The following TSC22D1 variants were observed in gnomAD, a reference collection of about 807,000 sequenced individuals.
The protein encoded by TSC22D1 is TSC22 domain family protein 1.
In TSC22D1, 9 loss-of-function variants were observed where a neutral mutation model predicts 74.2. The observed-to-expected ratio is 0.12, with a 90% CI of 0.07 to 0.21. TSC22D1 has a LOEUF of 0.21. Ranked by LOEUF, TSC22D1 falls within the 10% of genes least tolerant of loss-of-function variation. The pLI is 1.00. For missense variants in TSC22D1, 1,427 were observed against 1,304.7 expected, an observed-to-expected ratio of 1.09 and a Z score of -1.44; for synonymous variants, 586 against 492.5, an observed-to-expected ratio of 1.19 and a Z score of -2.51.
At chr13:44,548,585 T>C (rs1881983896) in intron 1 of TSC22D1, among the ~76,000 whole-genome samples, 1 of 152,194 alleles carries the variant, frequency 6.6e-6, no homozygotes, top group South Asian at 2.1e-4. Flanking sequence ...TAGGGAATTT[T>C]ACAAGACAGT....
intron 1 of TSC22D1, among the ~76,000 whole-genome samples, chr13:44,561,013 G>GATT (rs1230786344): frequency 3.9e-5 from 6 of 152,006 alleles, no homozygotes; most frequent in African/African-American, 1.4e-4. Context: ...AGACTTAATG[G>GATT]AAGTCCAAAA....
intron 1 of TSC22D1, among the ~76,000 whole-genome samples, chr13:44,442,902 G>A (rs1218022334): frequency 8.2e-6 from 1 of 121,668 alleles, no homozygotes; most frequent in Non-Finnish European, 1.7e-5. Flanking sequence ...GAGCCACAGA[G>A]CGAGACTCTG....
chr13:44,436,038 A>T lies in TSC22D1; in HGVS notation c.2964+6T>A, dbSNP rs755477307. 4.3e-6 allele frequency: 7 copies of T among 1,613,388 alleles called. No individual in the cohort carries two copies. The highest frequency in any genetic ancestry group is 1.3e-5 in the African/African-American group (1 of 74,914). On this transcript the variant is annotated splice_donor_region_variant and intron_variant, in intron 2 of 2. Transcript: ENST00000458659. ...TTAGTATAAATGATTTTTCATCAGT[A>T]CATACCATAGCTTGCTCGATTTTGT...
chr13:44,478,259 G>T (rs1878016793), intron 1 of TSC22D1, among the ~76,000 whole-genome samples: 1 of 152,034 alleles, frequency 6.6e-6, no homozygotes, highest in South Asian at 2.1e-4. Context: ...TTACATTTCT[G>T]TATGTTTTAT....
chr13:44,457,194 C>T (rs1876707034), intron 1 of TSC22D1, among the ~76,000 whole-genome samples: 1 of 152,342 alleles, frequency 6.6e-6, no homozygotes, highest in Admixed American at 6.5e-5. Flanking sequence ...ACCAAAACTG[C>T]ACCTAGGAAA....
intron 1 of TSC22D1, among the ~76,000 whole-genome samples, chr13:44,467,836 T>C (rs1877377778): frequency 6.6e-6 from 1 of 152,092 alleles, no homozygotes; most frequent in Non-Finnish European, 1.5e-5. Context: ...AGTATGGAGA[T>C]TTCTCAGAAA....
intron 1 of TSC22D1, among the ~76,000 whole-genome samples, chr13:44,567,513 ACT>A (rs753355038): frequency 5.3e-5 from 8 of 151,990 alleles, no homozygotes. Flanking sequence ...GAAAAAAAAA[ACT>A]TTTTAAAAAA....
chr13:44,509,261 A>G (rs1879576294), intron 1 of TSC22D1, among the ~76,000 whole-genome samples: 1 of 152,246 alleles, frequency 6.6e-6, no homozygotes, highest in Non-Finnish European at 1.5e-5. Context: ...CTGGAGGAGT[A>G]ATCAAAATGA....
rs1476499489 is a variant in TSC22D1 at position 44,575,415 on chromosome 13, G to A, written c.660C>T (p.Leu220=). The change falls in exon 1 of 3, where the codon CTC becomes CTT. Residue 220 remains leucine, a synonymous_variant. Transcript: ENST00000458659. ...VINGNAHPHH[L]HHHHQIHHGH... ...CATGATGAATCTGATGGTGGTGATG[G>A]AGGTGGTGTGGATGAGCATTCCCAT... The A allele has an allele frequency of 6.2e-7, 1 of 1,613,784 alleles. No individual in the cohort carries two copies. The highest frequency in any genetic ancestry group is 1.3e-5 in the African/African-American group (1 of 74,878).
At chr13:44,564,035 AAC>A (rs1247401366) in intron 1 of TSC22D1, among the ~76,000 whole-genome samples, 8 of 152,218 alleles carry the variant, frequency 5.3e-5, no homozygotes, top group Admixed American at 3.3e-4. Context: ...TTGGCTCACA[AAC>A]ACAGCAAAAA....
chr13:44,503,330 A>C, intron 1 of TSC22D1, among the ~76,000 whole-genome samples: 1 of 125,352 alleles, frequency 8.0e-6, no homozygotes, highest in East Asian at 1.9e-4. Context: ...AAGTACACAG[A>C]AAAAAAACAG....
chr13:44,479,618 C>G (rs771138459), intron 1 of TSC22D1, among the ~76,000 whole-genome samples: 1 of 152,154 alleles, frequency 6.6e-6, no homozygotes, highest in Non-Finnish European at 1.5e-5. Context: ...CAAGCTGTTA[C>G]CAGCCACATA....
chr13:44,468,000 GCGCACACA>G (rs1462149207), intron 1 of TSC22D1, among the ~76,000 whole-genome samples: 3 of 115,058 alleles, frequency 2.6e-5, no homozygotes, highest in Admixed American at 8.6e-5. Context: ...ATACACACAC[GCGCACACA>G]CACACACACA....
intron 1 of TSC22D1, among the ~76,000 whole-genome samples, chr13:44,551,310 G>GGTGGGTGT (rs1555272441): frequency 7.5e-6 from 1 of 132,776 alleles, no homozygotes; most frequent in Non-Finnish European, 1.6e-5. Context: ...ATCAGCTGGG[G>GGTGGGTGT]GTGTGTGTGT....
chr13:44,453,052 A>G (rs1243048015), intron 1 of TSC22D1, among the ~76,000 whole-genome samples: 1 of 152,216 alleles, frequency 6.6e-6, no homozygotes, highest in Non-Finnish European at 1.5e-5. Context: ...ATTAGAATTT[A>G]CATTTTCAGT....
chr13:44,481,236 C>A (rs1878162506), intron 1 of TSC22D1, among the ~76,000 whole-genome samples: 1 of 152,180 alleles, frequency 6.6e-6, no homozygotes, highest in African/African-American at 2.4e-5. Context: ...GGGCTTGAGA[C>A]TTCGCAGTTA....
intron 2 of TSC22D1, 93 bp from the exon 3 acceptor site, chr13:44,434,976 A>C: frequency 9.1e-7 from 1 of 1,097,860 alleles, no homozygotes; most frequent in Non-Finnish European, 1.3e-6. Context: ...GATCTCCCTA[A>C]CTATTTACAT....
At chr13:44,570,862 C>G (rs1242295215) in intron 1 of TSC22D1, among the ~76,000 whole-genome samples, 1 of 152,128 alleles carries the variant, frequency 6.6e-6, no homozygotes, top group African/African-American at 2.4e-5. Context: ...ACTGTTTTCT[C>G]TTGTAGTTAT....
chr13:44,491,235 G>A (rs565167063), intron 1 of TSC22D1, among the ~76,000 whole-genome samples: 1 of 152,068 alleles, frequency 6.6e-6, no homozygotes, highest in African/African-American at 2.4e-5. Context: ...AGGCAATAAT[G>A]TCGACAATAT....
Sources: gnomAD v4.1 joint callset for allele counts (sites outside exome capture counted in the v4.1 genomes callset) on GRCh38, gnomAD v4.1.1 for gene constraint, MANE v1.5 for transcripts, NCBI Gene and HGNC (gene_info 2026-07-23, HGNC 2026-07-21) for gene names.